The following LINGO2 variants were observed in gnomAD, a reference collection of about 807,000 sequenced individuals.
The protein encoded by LINGO2 is leucine-rich repeat and immunoglobulin-like domain-containing nogo receptor-interacting protein 2.
Under a neutral mutation model 30.6 loss-of-function variants are expected in LINGO2, and 14 were observed. The ratio of observed to expected loss-of-function variants is 0.46; its 90% CI spans 0.30 to 0.72. The LOEUF is 0.72. LINGO2 is among the 30% of genes least tolerant of loss of function. The pLI is 0.07. For missense variants in LINGO2, 729 were observed against 751.7 expected (o/e 0.97, Z 0.35); for synonymous variants, 317 against 288.5 (o/e 1.10, Z -1.00).
At chr9:29,176,612 A>G in the LINGO2 span, among the ~76,000 whole-genome samples, 2 of 152,332 alleles carry the variant, frequency 1.3e-5, no homozygotes, top group South Asian at 4.1e-4. Context: ...CACAGGAAAG[A>G]GCTTATCTAA....
chr9:28,375,146 C>CT (rs1180595021), intron 2 of LINGO2, among the ~76,000 whole-genome samples: 6 of 150,132 alleles, frequency 4.0e-5, no homozygotes, highest in Admixed American at 1.3e-4. Flanking sequence ...ACACCCCACA[C>CT]TAAGCTTCTC....
At chr9:28,214,579 C>T in intron 4 of LINGO2, among the ~76,000 whole-genome samples, 1 of 151,558 alleles carries the variant, frequency 6.6e-6, no homozygotes, top group Non-Finnish European at 1.5e-5. Flanking sequence ...CCCATTTTCT[C>T]ATTTTCTTTC....
chr9:28,076,986 T>C lies in LINGO2; in HGVS notation c.-86-64581A>G, dbSNP rs531277127. On this transcript the variant is annotated intron_variant, in intron 4 of 5. Coordinates refer to ENST00000379992, the Ensembl canonical transcript of LINGO2. Reference sequence around the variant, plus strand: ...GGAAATTGTGCAGTAAGGTTGAAAATGGGAATGCATAGTGACAGAAGTAAG... The same window carrying C: ...GGAAATTGTGCAGTAAGGTTGAAAACGGGAATGCATAGTGACAGAAGTAAG... 2.0e-5 allele frequency among the ~76,000 whole-genome samples: 3 copies of C among 152,196 alleles called. No homozygotes were observed. In the South Asian group the frequency reaches 6.2e-4, roughly 32 times the overall value.
At chr9:28,581,862 CA>C (rs373782265) in intron 1 of LINGO2, among the ~76,000 whole-genome samples, 90 of 151,968 alleles carry the variant, frequency 5.9e-4, no homozygotes, top group African/African-American at 2.0e-3. Context: ...GTTAAAGAAG[CA>C]TTCATTATAA....
the LINGO2 span, among the ~76,000 whole-genome samples, chr9:29,024,580 A>G: frequency 2.0e-5 from 3 of 152,138 alleles, no homozygotes; most frequent in African/African-American, 4.8e-5. Context: ...TTATCACTAA[A>G]CAACCAGATT....
the LINGO2 span, among the ~76,000 whole-genome samples, chr9:29,023,956 T>C: frequency 6.6e-6 from 1 of 152,106 alleles, no homozygotes. Flanking sequence ...GTTAACAACT[T>C]CATGTGTTCA....
At chr9:28,006,378 G>C (rs1158518286) in intron 5 of LINGO2, among the ~76,000 whole-genome samples, 6 of 152,074 alleles carry the variant, frequency 3.9e-5, no homozygotes, top group Non-Finnish European at 7.4e-5. Flanking sequence ...CTATCAGAGG[G>C]AGGAATAGTG....
chr9:28,348,523 T>C (rs909616149), intron 3 of LINGO2, among the ~76,000 whole-genome samples: 1 of 152,106 alleles, frequency 6.6e-6, no homozygotes, highest in East Asian at 1.9e-4. Flanking sequence ...CGCTGATTGC[T>C]AGCACAGCAG....
the LINGO2 span, among the ~76,000 whole-genome samples, chr9:28,982,655 T>C: frequency 6.6e-6 from 1 of 152,016 alleles, no homozygotes; most frequent in East Asian, 1.9e-4. Flanking sequence ...GCTTTCACAA[T>C]AAATATATGA....
intron 3 of LINGO2, among the ~76,000 whole-genome samples, chr9:28,348,192 A>G (rs961358199): frequency 6.6e-6 from 1 of 152,190 alleles, no homozygotes; most frequent in Admixed American, 6.5e-5. Flanking sequence ...TCCCAGCGTG[A>G]GCGACGCAGA....
the LINGO2 span, among the ~76,000 whole-genome samples, chr9:28,703,470 A>G: frequency 6.6e-6 from 1 of 151,884 alleles, no homozygotes; most frequent in East Asian, 1.9e-4. Context: ...TGGTCTGAGA[A>G]CAGACATTAT....
the LINGO2 span, among the ~76,000 whole-genome samples, chr9:29,194,643 C>A: frequency 8.5e-5 from 13 of 152,240 alleles, no homozygotes; most frequent in African/African-American, 2.9e-4. Context: ...TACCTCCACC[C>A]CACTAACTAT....
intron 2 of LINGO2, among the ~76,000 whole-genome samples, chr9:28,430,130 G>A (rs538367134): frequency 1.3e-5 from 2 of 150,686 alleles, no homozygotes; most frequent in African/African-American, 4.9e-5. Flanking sequence ...GTGTGTGTGT[G>A]ATTCTGGATA....
the LINGO2 span, among the ~76,000 whole-genome samples, chr9:28,719,779 C>G: frequency 6.6e-6 from 1 of 151,954 alleles, no homozygotes; most frequent in African/African-American, 2.4e-5. Flanking sequence ...GCTTTTATTG[C>G]TTATTAAATA....
chr9:28,609,438 T>C (rs1008065999), intron 1 of LINGO2, among the ~76,000 whole-genome samples: 1 of 151,796 alleles, frequency 6.6e-6, no homozygotes, highest in Non-Finnish European at 1.5e-5. Flanking sequence ...CCAAGACTTC[T>C]AGTTGAAAAA....
At chr9:28,139,684 T>C (rs1188531028) in intron 4 of LINGO2, among the ~76,000 whole-genome samples, 1 of 152,116 alleles carries the variant, frequency 6.6e-6, no homozygotes, top group African/African-American at 2.4e-5. Flanking sequence ...TTTACAAAAA[T>C]TGCTTATGAA....
intron 4 of LINGO2, among the ~76,000 whole-genome samples, chr9:28,157,064 C>T (rs1828151508): frequency 6.6e-6 from 1 of 152,210 alleles, no homozygotes; most frequent in African/African-American, 2.4e-5. Context: ...CTCCTTATAG[C>T]TCCACTAGGT....
rs552975932 is a variant in LINGO2 at position 28,433,249 on chromosome 9, C to T, written c.-279+42691G>A. On this transcript the variant is annotated intron_variant, in intron 2 of 5. Transcript: ENST00000379992. ...TAGGCTTCCTAAATTATAAAACCCA[C>T]GCCTGTTATCCCTTTCCTACTCTCC... Among the ~76,000 whole-genome samples the T allele has an allele frequency of 1.4e-4, 21 of 152,174 alleles. 1 individual carries two copies. Among genetic ancestry groups the T allele is most frequent in the African/African-American group, 4.1e-4 (17 of 41,538 alleles).
intron 4 of LINGO2, among the ~76,000 whole-genome samples, chr9:28,222,674 G>C (rs1046434523): frequency 3.3e-5 from 5 of 152,144 alleles, no homozygotes; most frequent in Non-Finnish European, 5.9e-5. Flanking sequence ...TAACTATTTG[G>C]ATGATTCCAA....
Sources: gnomAD v4.1 joint callset for allele counts (sites outside exome capture counted in the v4.1 genomes callset) on GRCh38, gnomAD v4.1.1 for gene constraint, MANE v1.5 for transcripts, NCBI Gene and HGNC (gene_info 2026-07-23, HGNC 2026-07-21) for gene names.